SLC12A7: variants seen among roughly 807,000 people sequenced by gnomAD.
SLC12A7 encodes the protein solute carrier family 12 member 7.
In SLC12A7, 100 loss-of-function variants were observed where a neutral mutation model predicts 120.6. That is an observed-to-expected ratio of 0.83 (90% CI 0.71 to 0.98). SLC12A7 has a LOEUF of 0.98. Among genes scored for constraint, SLC12A7 ranks in the 50% least tolerant of loss-of-function variants. The probability of loss-of-function intolerance (pLI) is 0.00; values close to 1 mark genes in which losing one functional copy is unlikely to be tolerated. For missense variants in SLC12A7, 1,373 were observed against 1,548.1 expected (o/e 0.89, Z 1.90); for synonymous variants, 760 against 678.0 (o/e 1.12, Z -1.88).
Position 1,094,237 on chromosome 5 carries a change from G to C in SLC12A7, c.136C>G (p.Pro46Ala), listed in dbSNP as rs908933921. 5 of 1,612,722 alleles carry C rather than the reference G, an allele frequency of 3.1e-6. No individual in the cohort carries two copies. Among genetic ancestry groups the C allele is most frequent in the Admixed American group, 1.7e-5 (1 of 60,002 alleles). ...PERPSPGDGNPRENSPFLNNV... is the reference protein window; with the variant it reads ...PERPSPGDGNARENSPFLNNV... ...TTGAGGAATGGGCTGTTTTCTCTTG[G>C]ATTTCCATCTCCTAGTGAGGGAAAA... The change falls in exon 2 of 24, where the codon CCA (proline) becomes GCA (alanine). Residue 46 changes from proline (P) to alanine (A), a missense_variant. Pro to Ala is a conservative substitution (Grantham distance 27). Transcript: ENST00000264930.
Position 1,079,497 on chromosome 5 carries a change from C to T in SLC12A7, c.1298-1G>A, listed in dbSNP as rs1738761246. ...GACCGGTTTGAACCCGCCATGATAC[C>T]TGTGAACATGGAAAATGCTGCAAAG... is the stretch of plus-strand genomic sequence containing the variant. On this transcript the variant is annotated splice_acceptor_variant, in intron 9 of 23. Coordinates refer to ENST00000264930, the MANE Select transcript of SLC12A7 (RefSeq NM_006598.3). LOFTEE classifies it high-confidence loss of function. 1.2e-6 allele frequency: 2 copies of T among 1,611,692 alleles called. No homozygotes were observed. Among genetic ancestry groups the T allele is most frequent in the Non-Finnish European group, 1.7e-6 (2 of 1,178,930 alleles).
chr5:1,096,209 T>A (rs558559839), intron 1 of SLC12A7, among the ~76,000 whole-genome samples: 24 of 152,286 alleles, frequency 1.6e-4, no homozygotes, highest in African/African-American at 5.8e-4. Flanking sequence ...CCACGTCAGC[T>A]GCTTACTCCC....
Position 1,074,667 on chromosome 5 carries a change from C to T in SLC12A7, c.1972G>A (p.Glu658Lys). ...IYKYIEYRGA[E>K]KEWGDGIRGL... ...CGGATGCCATCGCCCCACTCCTTCT[C>T]GGCCCTGTGGGAAAGGAAGTCGGGG... The change falls in exon 16 of 24, where the codon GAG (glutamate) becomes AAG (lysine). Residue 658 changes from glutamate (E) to lysine (K), a missense_variant. Transcript: ENST00000264930. 6 of 1,612,498 alleles carry T rather than the reference C, an allele frequency of 3.7e-6. No homozygotes were observed. The highest frequency in any genetic ancestry group is 5.1e-6 in the Non-Finnish European group (6 of 1,179,834).
intron 1 of SLC12A7, among the ~76,000 whole-genome samples, chr5:1,095,036 G>GT (rs1740972357): frequency 6.6e-6 from 1 of 150,730 alleles, no homozygotes; most frequent in African/African-American, 2.4e-5. Flanking sequence ...AGGAGGCGGG[G>GT]GGCCGGTAGG....
the SLC12A7 span, among the ~76,000 whole-genome samples, chr5:1,122,090 C>T: frequency 6.6e-6 from 1 of 152,312 alleles, no homozygotes; most frequent in Non-Finnish European, 1.5e-5. Context: ...GGCAACGCAG[C>T]CCCCATTCCA....
chr5:1,119,650 T>A, the SLC12A7 span, among the ~76,000 whole-genome samples: 2 of 152,144 alleles, frequency 1.3e-5, no homozygotes, highest in Non-Finnish European at 2.9e-5. Context: ...GCCACCTTCC[T>A]CTCCCCAGCA....
upstream of SLC12A7, chr5:1,112,150 G>T: frequency 1.1e-6 from 1 of 901,348 alleles, no homozygotes; most frequent in Non-Finnish European, 1.4e-6. Flanking sequence ...CCCACGAAAA[G>T]TTGGCCCGCG....
chr5:1,132,536 C>A, the SLC12A7 span, among the ~76,000 whole-genome samples: 1 of 152,058 alleles, frequency 6.6e-6, no homozygotes, highest in South Asian at 2.1e-4. Context: ...GGTAACAGTT[C>A]TTTTTTCTTT....
chr5:1,136,657 T>A, the SLC12A7 span, among the ~76,000 whole-genome samples: 1 of 122,522 alleles, frequency 8.2e-6, no homozygotes, highest in East Asian at 2.5e-4. Flanking sequence ...ACACATGTGC[T>A]CAGACACCAA....
At chr5:1,062,468 C>G (rs1354855647) in intron 20 of SLC12A7, among the ~76,000 whole-genome samples, 1 of 152,244 alleles carries the variant, frequency 6.6e-6, no homozygotes, top group Non-Finnish European at 1.5e-5. Context: ...AGAAAACCAT[C>G]CAGCGTCACG....
chr5:1,154,424 CACAG>C, the SLC12A7 span, among the ~76,000 whole-genome samples: 2 of 151,758 alleles, frequency 1.3e-5, no homozygotes, highest in African/African-American at 2.4e-5. Flanking sequence ...CACATCTAGA[CACAG>C]ACACACACTA....
chr5:1,057,417 C>T (rs113772863), intron 22 of SLC12A7, 54 bp downstream of exon 22: 92 of 1,530,966 alleles, frequency 6.0e-5, no homozygotes, highest in African/African-American at 1.6e-4. Context: ...TCCTCACTGC[C>T]GGGCCAGCAC....
chr5:1,116,500 C>G (rs376015149), upstream of SLC12A7, among the ~76,000 whole-genome samples: 1 of 152,208 alleles, frequency 6.6e-6, no homozygotes, highest in Admixed American at 6.5e-5. Context: ...GTGTCTGAGA[C>G]TGTAAGTGAC....
intron 19 of SLC12A7, 54 bp from the exon 20 acceptor site, chr5:1,064,029 G>A (rs1010737300): frequency 5.2e-5 from 83 of 1,602,142 alleles, no homozygotes; most frequent in East Asian, 9.0e-5. Flanking sequence ...GTCCCGGCCC[G>A]CAGCACGTGG....
intron 18 of SLC12A7, 74 bp from the exon 19 acceptor site, chr5:1,064,326 C>T (rs112178884): frequency 2.6e-6 from 4 of 1,528,388 alleles, no homozygotes; most frequent in Admixed American, 3.9e-5. Flanking sequence ...GGACTCACAG[C>T]CAGTGCAGGG....
At chr5:1,060,883 C>T (rs1310089635) in intron 20 of SLC12A7, among the ~76,000 whole-genome samples, 6 of 142,832 alleles carry the variant, frequency 4.2e-5, no homozygotes, top group Admixed American at 6.8e-5. Context: ...ACAACCTCAG[C>T]GCCCGCCATG....
chr5:1,076,100 C>G, intron 14 of SLC12A7, 38 bp downstream of exon 14: 1 of 1,552,214 alleles, frequency 6.4e-7, no homozygotes. Flanking sequence ...AGTGTCCCAG[C>G]CTGTGGGGCT....
the SLC12A7 span, among the ~76,000 whole-genome samples, chr5:1,136,721 G>A: frequency 2.6e-5 from 3 of 117,542 alleles, no homozygotes; most frequent in South Asian, 3.2e-4. Context: ...GGACACGCAG[G>A]CACACGTGTG....
chr5:1,134,374 G>A, the SLC12A7 span, among the ~76,000 whole-genome samples: 1 of 152,080 alleles, frequency 6.6e-6, no homozygotes, highest in Non-Finnish European at 1.5e-5. Context: ...AGAGGCTGAG[G>A]CAGGAGAATC....
Sources: allele counts gnomAD v4.1 joint callset (sites outside exome capture counted in the v4.1 genomes callset), GRCh38; gene constraint gnomAD v4.1.1; transcripts MANE v1.5; gene names NCBI Gene and HGNC (gene_info 2026-07-23, HGNC 2026-07-21).